NUP155: variants seen among roughly 807,000 people sequenced by gnomAD.
NUP155 encodes the protein nucleoporin 155, also known as nuclear pore complex protein Nup155.
NUP155 carries 71 observed loss-of-function variants against 180.4 expected under a neutral mutation model. The observed-to-expected ratio is 0.39, with a 90% CI of 0.33 to 0.48. The LOEUF (loss-of-function observed/expected upper bound fraction) is 0.48. NUP155 is among the 20% of genes least tolerant of loss of function. The probability of loss-of-function intolerance (pLI) is 0.91; values close to 1 mark genes in which losing one functional copy is unlikely to be tolerated. For missense variants in NUP155, 1,553 were observed against 1,648.9 expected (o/e 0.94, Z 1.01); for synonymous variants, 582 against 559.5 (o/e 1.04, Z -0.57).
At position 37,318,514 on chromosome 5, in the gene NUP155, AAATCTGAAACG is replaced by A. The variant is rs559290045; in HGVS notation, c.2208-440_2208-430del. Among the ~76,000 whole-genome samples, 1,055 of 138,938 alleles carry A rather than the reference AAATCTGAAACG, an allele frequency of 7.6e-3. 10 individuals are homozygous for A. Among genetic ancestry groups the A allele is most frequent in the African/African-American group, 0.026 (991 of 38,022 alleles). The allele number at this position is 138,938 out of a possible 152,430, so 91.1% of individuals were successfully genotyped here. ...AAAAACTAACATCTGAAATGTCCCC[AAATCTGAAACG>A]TTTTGCACATCAGCATGATGCTCAA... On this transcript the variant is annotated intron_variant, in intron 20 of 34. Transcript: ENST00000231498.
chr5:37,290,320 T>C lies in NUP155; in HGVS notation c.*1580A>G, dbSNP rs1233087246. On this transcript the variant is annotated 3_prime_UTR_variant, in exon 35 of 35. Coordinates refer to ENST00000231498, the MANE Select transcript of NUP155 (RefSeq NM_153485.3). ...TGGTGAAACCCATCTCTACTAAAAA[T>C]ACAAAAATTAGCTGGGTATGGTGGC... is the stretch of plus-strand genomic sequence containing the variant. 1.3e-5 allele frequency: 2 copies of C among 151,902 alleles called. No individual in the cohort carries two copies. Among genetic ancestry groups the C allele is most frequent in the African/African-American group, 4.8e-5 (2 of 41,330 alleles). 9.4% of individuals were successfully genotyped at this position (151,902 alleles called of 1,614,324 possible). A position where few individuals can be genotyped will look rare whatever the true frequency, so the allele number is the denominator to read the frequency against.
At chr5:37,357,022 G>A (rs935061668) in intron 4 of NUP155, among the ~76,000 whole-genome samples, 2 of 152,026 alleles carry the variant, frequency 1.3e-5, no homozygotes, top group African/African-American at 4.8e-5. Context: ...CAAGAGAATC[G>A]CTCAATCCTG....
Position 37,305,082 on chromosome 5 carries a change from A to G in NUP155, c.3032T>C (p.Leu1011Pro). The change falls in exon 26 of 35, where the codon CTG (leucine) becomes CCG (proline). Residue 1011 changes from leucine (L) to proline (P), a missense_variant. By Grantham distance (98) the Leu-to-Pro change is moderately conservative. Coordinates refer to ENST00000231498, the MANE Select transcript of NUP155 (RefSeq NM_153485.3). Reference sequence around the variant, plus strand: ...ATGATGTCCTGCTTCTTCATTACTCAGCATATTTGGATCAGATGACAACAC... The same window carrying G: ...ATGATGTCCTGCTTCTTCATTACTCGGCATATTTGGATCAGATGACAACAC... ...PPVLSSDPNM[L>P]SNEEAGHHFE... The G allele has an allele frequency of 6.2e-7, 1 of 1,613,758 alleles. No individual in the cohort carries two copies. Among genetic ancestry groups the G allele is most frequent in the Non-Finnish European group, 8.5e-7 (1 of 1,180,024 alleles).
chr5:37,360,588 C>T (rs1186068759), intron 3 of NUP155, among the ~76,000 whole-genome samples: 1 of 151,470 alleles, frequency 6.6e-6, no homozygotes, highest in Non-Finnish European at 1.5e-5. Context: ...GAATTCGAGA[C>T]CAGCTTGCCC....
At chr5:37,345,543 A>G (rs950541837) in intron 9 of NUP155, among the ~76,000 whole-genome samples, 1 of 150,148 alleles carries the variant, frequency 6.7e-6, no homozygotes, top group Non-Finnish European at 1.5e-5. Flanking sequence ...CATGATGTCT[A>G]CAATGTACTT....
At chr5:37,342,722 G>A (rs1333034584) in intron 9 of NUP155, 76 bp from the exon 10 acceptor site, 3 of 992,024 alleles carry the variant, frequency 3.0e-6, no homozygotes, top group South Asian at 1.4e-5. Context: ...CCATCAGAAT[G>A]TTTACATATT....
In NUP155 at chr5:37,292,011, A is replaced by G; in HGVS notation, c.4065T>C (p.Asp1355=). 1.9e-6 allele frequency: 3 copies of G among 1,614,150 alleles called. No individual in the cohort carries two copies. The highest frequency in any genetic ancestry group is 2.5e-6 in the Non-Finnish European group (3 of 1,179,984). Residue 1355 remains aspartate, a synonymous_variant, in exon 35 of 35, where the codon GAT becomes GAC. Transcript: ENST00000231498. ...ERRRFTNLCL[D]AVCGYLVELQ... ...GCTCAACAAGGTAACCACAAACAGCATCCAGGCAGAGATTTGTAAATCTTC... is the reference window on the plus strand; with the variant it reads ...GCTCAACAAGGTAACCACAAACAGCGTCCAGGCAGAGATTTGTAAATCTTC...
chr5:37,293,034 ATTATT>A (rs1478705854), intron 33 of NUP155, 49 bp from the exon 34 acceptor site: 2 of 1,223,668 alleles, frequency 1.6e-6, no homozygotes, highest in African/African-American at 3.0e-5. Context: ...GTGTCAATTG[ATTATT>A]TAAATCATTT....
At chr5:37,335,238 C>T (rs532655558) in intron 12 of NUP155, among the ~76,000 whole-genome samples, 211 of 151,332 alleles carry the variant, frequency 1.4e-3, no homozygotes, top group Middle Eastern at 6.9e-3. Context: ...AAAACCACCT[C>T]GGTGTGGTGG....
chr5:37,293,158 A>G, intron 33 of NUP155, 173 bp from the exon 34 acceptor site: 1 of 578,364 alleles, frequency 1.7e-6, no homozygotes, highest in South Asian at 2.1e-5. Flanking sequence ...ATTTCAAACA[A>G]CATTAAAAAC....
chr5:37,320,441 G>A (rs909805430), intron 20 of NUP155, among the ~76,000 whole-genome samples: 12 of 152,184 alleles, frequency 7.9e-5, no homozygotes, highest in South Asian at 2.1e-4. Context: ...TCATGCCATC[G>A]CACTCCAGCC....
At chr5:37,309,344 C>A in intron 23 of NUP155, 77 bp from the exon 24 acceptor site, 74 of 1,144,104 alleles carry the variant, frequency 6.5e-5, no homozygotes, top group East Asian at 1.9e-4. Context: ...AAGTTTTAGT[C>A]TATGTCTAAA....
At position 37,290,184 on chromosome 5, in the gene NUP155, G is replaced by A. The variant is rs947710245; in HGVS notation, c.*1716C>T. The A allele has an allele frequency of 6.6e-6, 1 of 152,118 alleles. No individual in the cohort carries two copies. The highest frequency in any genetic ancestry group is 2.4e-5 in the African/African-American group (1 of 41,428). 9.4% of individuals were successfully genotyped at this position (152,118 alleles called of 1,614,324 possible). ...GTAATTATTTGTGGTAGCATAAAGA[G>A]AGAAGGGAATAGGCCAGGCACATTG... On this transcript the variant is annotated 3_prime_UTR_variant, in exon 35 of 35. Coordinates refer to ENST00000231498, the MANE Select transcript of NUP155 (RefSeq NM_153485.3).
intron 13 of NUP155, among the ~76,000 whole-genome samples, chr5:37,333,129 C>T (rs1243608005): frequency 2.6e-5 from 4 of 152,040 alleles, no homozygotes; most frequent in South Asian, 2.1e-4. Context: ...CCGAGGCAGG[C>T]GGACCACCTG....
intron 3 of NUP155, among the ~76,000 whole-genome samples, chr5:37,361,426 A>G (rs1037777862): frequency 5.9e-5 from 9 of 152,160 alleles, no homozygotes; most frequent in Non-Finnish European, 1.2e-4. Context: ...CCACGAAAAA[A>G]TATGATCTAG....
Position 37,303,202 on chromosome 5 carries a change from G to A in NUP155, c.3317+58C>T, listed in dbSNP as rs537351598. ...CTTCTAAAATTAAAGAAAACTGAAT[G>A]TAAGTACATATAGCTCAGTTTTGAA... is the stretch of plus-strand genomic sequence containing the variant. On this transcript the variant is annotated intron_variant, in intron 28 of 34. Coordinates refer to ENST00000231498, the MANE Select transcript of NUP155 (RefSeq NM_153485.3). 12 of 1,570,524 alleles carry A rather than the reference G, an allele frequency of 7.6e-6. No homozygotes were observed. The African/African-American group carries it at 8.1e-5, about 11-fold the overall frequency.
rs1307882113 is a variant in NUP155 at position 37,309,259 on chromosome 5, C to T, written c.2637G>A (p.Glu879=). ...TDDAICSKAN[E]LLQRSRQVQN... is the part of the protein sequence containing the mutation. ...GAACTTGTCGGGAACGCTGGAGAAG[C>T]TCATTTGCCTAGAAGAGGAGATAAC... Residue 879 remains glutamate (E), a synonymous_variant, in exon 24 of 35, where the codon GAG becomes GAA. Coordinates refer to ENST00000231498, the MANE Select transcript of NUP155 (RefSeq NM_153485.3). 6.2e-7 allele frequency: 1 copy of T among 1,605,382 alleles called. No homozygotes were observed. The highest frequency in any genetic ancestry group is 8.5e-7 in the Non-Finnish European group (1 of 1,175,894).
At chr5:37,295,616 G>A (rs376053691) in intron 32 of NUP155, among the ~76,000 whole-genome samples, 11 of 98,984 alleles carry the variant, frequency 1.1e-4, no homozygotes, top group Non-Finnish European at 1.4e-4. Flanking sequence ...GCCTCTTCCC[G>A]GCCGCCATCC....
At chr5:37,303,523 T>C (rs1042610834) in intron 27 of NUP155, 109 bp from the exon 28 acceptor site, 2 of 892,288 alleles carry the variant, frequency 2.2e-6, no homozygotes, top group Non-Finnish European at 1.8e-6. Context: ...CCTTGTTTTA[T>C]GAAAACAAGC....
Sources: gnomAD v4.1 joint callset for allele counts (sites outside exome capture counted in the v4.1 genomes callset) on GRCh38, gnomAD v4.1.1 for gene constraint, MANE v1.5 for transcripts, NCBI Gene and HGNC (gene_info 2026-07-23, HGNC 2026-07-21) for gene names.